ZNF436: variants seen among roughly 807,000 people sequenced by gnomAD.
ZNF436 encodes the protein zinc finger protein 436.
In ZNF436, 22 loss-of-function variants were observed where a neutral mutation model predicts 41.9. The observed-to-expected ratio is 0.53, with a 90% CI of 0.38 to 0.75. The LOEUF is 0.75. Among genes scored for constraint, ZNF436 ranks in the 30% least tolerant of loss-of-function variants. The pLI, the probability that ZNF436 is intolerant of heterozygous loss-of-function variation, is 0.00. For synonymous variants in ZNF436, 217 were observed against 197.8 expected (o/e 1.10, Z -0.82); for missense variants, 506 against 587.3 (o/e 0.86, Z 1.43).
Position 23,361,797 on chromosome 1 carries a change from A to G in ZNF436, c.*172T>C. 1 of 635,622 alleles carries G rather than the reference A, an allele frequency of 1.6e-6. No homozygotes were observed. The highest frequency in any genetic ancestry group is 2.5e-6 in the Non-Finnish European group (1 of 394,564). The allele number at this position is 635,622 out of a possible 1,614,324, so 39.4% of individuals were successfully genotyped here. A position where few individuals can be genotyped will look rare whatever the true frequency, so the allele number is the denominator to read the frequency against. ...AAATCACCATTTTGGAGGAGATAAC[A>G]TTCCCAAAGCTGAGGGTCAGAATTT... On this transcript the variant is annotated 3_prime_UTR_variant, in exon 4 of 4. Coordinates refer to ENST00000314011, the MANE Select transcript of ZNF436 (RefSeq NM_001077195.2).
chr1:23,368,316 A>T (rs1638412243), intron 1 of ZNF436: 2 of 373,480 alleles, frequency 5.4e-6, no homozygotes, highest in Non-Finnish European at 9.9e-6. Flanking sequence ...CTGCTGTCTC[A>T]GGGAGGAGGT....
chr1:23,366,808 G>T, intron 3 of ZNF436, among the ~76,000 whole-genome samples: 1 of 152,208 alleles, frequency 6.6e-6, no homozygotes, highest in Non-Finnish European at 1.5e-5. Flanking sequence ...ATTGGAAAAT[G>T]ACTCAGGGCA....
chr1:23,366,419 A>G (rs1638359994), intron 3 of ZNF436, among the ~76,000 whole-genome samples: 1 of 152,136 alleles, frequency 6.6e-6, no homozygotes. Flanking sequence ...TTCTAGTTAC[A>G]CCCAGACCAA....
rs1638375439 is a variant in ZNF436 at position 23,367,090 on chromosome 1, G to C, written c.112C>G (p.Leu38Val). Residue 38 changes from leucine (L) to valine (V), a missense_variant, in exon 3 of 4, where the codon CTT (leucine) becomes GTT (valine). By Grantham distance (32) the Leu-to-Val change is conservative. Coordinates refer to ENST00000314011, the MANE Select transcript of ZNF436 (RefSeq NM_001077195.2). ...TTCTCCTGCATAACATCCCGGTAAAGGTCCCTCTGTGCAGCGTCCAGAGGT... is the reference window on the plus strand; with the variant it reads ...TTCTCCTGCATAACATCCCGGTAAACGTCCCTCTGTGCAGCGTCCAGAGGT... Reference protein sequence around the residue: ...WRPLDAAQRDLYRDVMQENYG... With the variant: ...WRPLDAAQRDVYRDVMQENYG... 1 of 1,613,960 alleles carries C rather than the reference G, an allele frequency of 6.2e-7. No homozygotes were observed. The highest frequency in any genetic ancestry group is 1.1e-5 in the South Asian group (1 of 91,056).
rs1309202028 is a variant in ZNF436, at chr1:23,368,278, G to A, written c.-60-213C>T. ...ATCTACTAGGACAGCCCCCTGGCTGGGTCCCTCCCGCGCCGGGGGTTAGAC... is the reference window on the plus strand; with the variant it reads ...ATCTACTAGGACAGCCCCCTGGCTGAGTCCCTCCCGCGCCGGGGGTTAGAC... On this transcript the variant is annotated intron_variant, in intron 1 of 3. Transcript: ENST00000314011. 2.2e-5 allele frequency: 10 copies of A among 459,972 alleles called. No homozygotes were observed. The East Asian group carries it at 3.9e-4, about 18-fold the overall frequency. 28.5% of individuals were successfully genotyped at this position (459,972 alleles called of 1,614,324 possible). A position where few individuals can be genotyped will look rare whatever the true frequency, so the allele number is the denominator to read the frequency against.
chr1:23,361,107 T>C lies in ZNF436; in HGVS notation c.*862A>G, dbSNP rs1646993330. ...CCTTGGGAAGGGACTCTGTGGTTCC[T>C]TCCCTGAAGGACTCAATTCCACTTG... On this transcript the variant is annotated 3_prime_UTR_variant, in exon 4 of 4. Transcript: ENST00000314011. The C allele has an allele frequency of 6.6e-6, 1 of 152,540 alleles. No individual in the cohort carries two copies. Among genetic ancestry groups the C allele is most frequent in the Non-Finnish European group, 1.5e-5 (1 of 68,036 alleles). 9.4% of individuals were successfully genotyped at this position (152,540 alleles called of 1,614,324 possible).
chr1:23,367,941 A>C lies in ZNF436; in HGVS notation c.33+32T>G. 1.9e-6 allele frequency: 3 copies of C among 1,613,296 alleles called. No individual in the cohort carries two copies. The South Asian group carries it at 3.3e-5, about 18-fold the overall frequency. On this transcript the variant is annotated intron_variant, in intron 2 of 3. Transcript: ENST00000314011. ...AACGCCGGACGAGGTGGGTAAGCAG[A>C]GACAAGGTCTGAGAAGCCACCTCCG...
chr1:23,364,528 G>A (rs1044635033), intron 3 of ZNF436, among the ~76,000 whole-genome samples: 2 of 152,156 alleles, frequency 1.3e-5, no homozygotes, highest in Non-Finnish European at 2.9e-5. Flanking sequence ...GTGAGCCACC[G>A]TGCCTGGCCA....
chr1:23,365,774 C>T lies in ZNF436; in HGVS notation c.160+1268G>A, dbSNP rs1304244907. The stretch of plus-strand genomic sequence containing the variant: ...TTTTTAAAAAATAAAAAGAATTAGC[C>T]GGGCAAGGTGGTACGCATCTGTGAT... On this transcript the variant is annotated intron_variant, in intron 3 of 3. Transcript: ENST00000314011. Among the ~76,000 whole-genome samples the T allele has an allele frequency of 4.0e-5, 6 of 151,176 alleles. No individual in the cohort carries two copies. In the East Asian group the frequency reaches 7.7e-4, roughly 19 times the overall value.
At position 23,361,434 on chromosome 1, in the gene ZNF436, T is replaced by C. The variant is rs1423037538; in HGVS notation, c.*535A>G. 6 of 152,946 alleles carry C rather than the reference T, an allele frequency of 3.9e-5. No homozygotes were observed. The highest frequency in any genetic ancestry group is 7.3e-5 in the Non-Finnish European group (5 of 68,278). The allele number at this position is 152,946 out of a possible 1,614,324, so 9.5% of individuals were successfully genotyped here. A position where few individuals can be genotyped will look rare whatever the true frequency, so the allele number is the denominator to read the frequency against. On this transcript the variant is annotated 3_prime_UTR_variant, in exon 4 of 4. Coordinates refer to ENST00000314011, the MANE Select transcript of ZNF436 (RefSeq NM_001077195.2). The stretch of plus-strand genomic sequence containing the variant: ...TCATTGCCTTCATCGTGCAAAATCT[T>C]GCCCTCAGGAAGATGGAAAAGATAC...
chr1:23,364,144 TGTGA>T (rs375860816), intron 3 of ZNF436, among the ~76,000 whole-genome samples: 238 of 152,342 alleles, frequency 1.6e-3, no homozygotes, highest in African/African-American at 5.5e-3. Flanking sequence ...CTAGGTATTT[TGTGA>T]GTATGTATTT....
chr1:23,367,062 T>C lies in ZNF436; in HGVS notation c.140A>G (p.Tyr47Cys). The C allele has an allele frequency of 6.2e-7, 1 of 1,613,730 alleles. No homozygotes were observed. The highest frequency in any genetic ancestry group is 8.5e-7 in the Non-Finnish European group (1 of 1,179,862). The change falls in exon 3 of 4, where the codon TAT (tyrosine) becomes TGT (cysteine). Residue 47 changes from tyrosine (Y) to cysteine (C), a missense_variant. Around this residue, in one of 2 missense-constraint regions of ZNF436, gnomAD observed 228 missense variants for 215.1 expected, o/e 1.06. Coordinates refer to ENST00000314011, the MANE Select transcript of ZNF436 (RefSeq NM_001077195.2). ...CTTACCTAGTGAGACAACATTTCCA[T>C]AATTCTCCTGCATAACATCCCGGTA... ...DLYRDVMQEN[Y>C]GNVVSLDFEI...
chr1:23,363,157 A>G lies in ZNF436; in HGVS notation c.225T>C (p.Phe75=), dbSNP rs778541404. 1 of 1,614,080 alleles carries G rather than the reference A, an allele frequency of 6.2e-7. No homozygotes were observed. The highest frequency in any genetic ancestry group is 2.2e-5 in the East Asian group (1 of 44,888). Residue 75 remains phenylalanine, a synonymous_variant, in exon 4 of 4, where the codon TTT becomes TTC. Coordinates refer to ENST00000314011, the MANE Select transcript of ZNF436 (RefSeq NM_001077195.2). Reference sequence around the variant, plus strand: ...CAGCAGGTCTTTCAGATGTAGTCCCAAATTGTACATCTTCACTAATCTCTT... The same window carrying G: ...CAGCAGGTCTTTCAGATGTAGTCCCGAATTGTACATCTTCACTAATCTCTT... The part of the protein sequence containing the change: ...PKQEISEDVQ[F]GTTSERPAEN...
Position 23,369,551 on chromosome 1 carries a change from G to C in ZNF436, c.-246C>G, listed in dbSNP as rs775720961. ...TTCGTAGACTTGCAGGCGAAGCCCA[G>C]ATATCGTAGGCTGATCCTAAAGACT... On this transcript the variant is annotated 5_prime_UTR_variant, in exon 1 of 4. In the 5' UTR this introduces an upstream ATG that the reference lacks. Transcript: ENST00000314011. 2 of 533,788 alleles carry C rather than the reference G, an allele frequency of 3.7e-6. No homozygotes were observed. Among genetic ancestry groups the C allele is most frequent in the South Asian group, 1.4e-5 (1 of 71,580 alleles). 33.1% of individuals were successfully genotyped at this position (533,788 alleles called of 1,614,324 possible).
Position 23,369,397 on chromosome 1 carries a change from C to G in ZNF436, c.-92G>C. On this transcript the variant is annotated 5_prime_UTR_variant, in exon 1 of 4. Transcript: ENST00000314011. ...TCCCGCAAAAGATCCACTAGATCGT[C>G]GTCTCCAAAACCTGAGAGACCGCGA... 1.9e-6 allele frequency: 1 copy of G among 534,706 alleles called. No homozygotes were observed. The highest frequency in any genetic ancestry group is 3.8e-6 in the Non-Finnish European group (1 of 260,032). 33.1% of individuals were successfully genotyped at this position (534,706 alleles called of 1,614,324 possible). A position where few individuals can be genotyped will look rare whatever the true frequency, so the allele number is the denominator to read the frequency against.
chr1:23,365,379 G>A (rs974952881), intron 3 of ZNF436, among the ~76,000 whole-genome samples: 1 of 151,576 alleles, frequency 6.6e-6, no homozygotes, highest in Non-Finnish European at 1.5e-5. Context: ...CTGGGCAACA[G>A]AGCAAGACTC....
rs1423012848 is a variant in ZNF436, at chr1:23,359,448, T to C, written c.*2521A>G. 6.6e-6 allele frequency: 1 copy of C among 152,240 alleles called. No homozygotes were observed. Among genetic ancestry groups the C allele is most frequent in the Non-Finnish European group, 1.5e-5 (1 of 68,040 alleles). 9.4% of individuals were successfully genotyped at this position (152,240 alleles called of 1,614,324 possible). A position where few individuals can be genotyped will look rare whatever the true frequency, so the allele number is the denominator to read the frequency against. Reference sequence around the variant, plus strand: ...TTACTAAAATAATTCTCAGGTTTGCTGACTTTAAAAATTATATTTTTAATT... The same window carrying C: ...TTACTAAAATAATTCTCAGGTTTGCCGACTTTAAAAATTATATTTTTAATT... On this transcript the variant is annotated 3_prime_UTR_variant, in exon 4 of 4. Coordinates refer to ENST00000314011, the MANE Select transcript of ZNF436 (RefSeq NM_001077195.2).
chr1:23,362,662 G>C lies in ZNF436; in HGVS notation c.720C>G (p.His240Gln). 2 of 1,614,096 alleles carry C rather than the reference G, an allele frequency of 1.2e-6. No individual in the cohort carries two copies. The highest frequency in any genetic ancestry group is 1.7e-6 in the Non-Finnish European group (2 of 1,180,022). Residue 240 changes from histidine to glutamine, a missense_variant, in exon 4 of 4, where the codon CAC (histidine) becomes CAG (glutamine). Around this residue, in one of 2 missense-constraint regions of ZNF436, gnomAD observed 278 missense variants for 372.1 expected, o/e 0.75. Coordinates refer to ENST00000314011, the MANE Select transcript of ZNF436 (RefSeq NM_001077195.2). The part of the protein sequence containing the change: ...SFCRLSHLIQ[H>Q]QRTHSGEKPY... ...GTTTCTCACCACTGTGGGTCCTTTG[G>C]TGTTGGATTAGGTGAGAGAGACGGC... is the stretch of plus-strand genomic sequence containing the variant.
rs372831436 is a variant in ZNF436, at chr1:23,368,050, C to T, written c.-45G>A. Reference sequence around the variant, plus strand: ...CTCCAGGGAGAGAGAGCAGGAAAAGCAGCTAGCAGACAGCGCTGAAGGAGG... The same window carrying T: ...CTCCAGGGAGAGAGAGCAGGAAAAGTAGCTAGCAGACAGCGCTGAAGGAGG... On this transcript the variant is annotated 5_prime_UTR_variant, in exon 2 of 4. Coordinates refer to ENST00000314011, the MANE Select transcript of ZNF436 (RefSeq NM_001077195.2). 55 of 1,612,262 alleles carry T rather than the reference C, an allele frequency of 3.4e-5. No individual in the cohort carries two copies. In the African/African-American group the frequency reaches 6.9e-4, roughly 20 times the overall value.
Sources: allele counts gnomAD v4.1 joint callset (sites outside exome capture counted in the v4.1 genomes callset), GRCh38; gene constraint gnomAD v4.1.1; regional missense constraint gnomAD v4.1.1; transcripts MANE v1.5; gene names NCBI Gene and HGNC (gene_info 2026-07-23, HGNC 2026-07-21).